Variants in CTDSPL observed in about 807,000 individuals in gnomAD.
CTDSPL encodes CTD small phosphatase like, also known as CTD small phosphatase-like protein.
A neutral mutation model predicts 30.5 loss-of-function variants in CTDSPL; 8 were observed. The observed-to-expected ratio is 0.26, with a 90% CI of 0.15 to 0.47. The LOEUF (loss-of-function observed/expected upper bound fraction) is 0.47, where lower values mean the gene tolerates loss of function less well. Ranked by LOEUF, CTDSPL falls within the 20% of genes least tolerant of loss-of-function variation. The pLI is 0.99. For missense variants in CTDSPL, 248 were observed against 366.1 expected (o/e 0.68, Z 2.63); for synonymous variants, 110 against 137.9 (o/e 0.80, Z 1.42).
At chr3:37,863,401 C>T (rs1454738654) in intron 1 of CTDSPL, among the ~76,000 whole-genome samples, 1 of 152,192 alleles carries the variant, frequency 6.6e-6, no homozygotes, top group Non-Finnish European at 1.5e-5. Flanking sequence ...CTTGGCGTGT[C>T]CCCCTCTCTT....
chr3:37,878,199 A>C (rs982814637), intron 1 of CTDSPL, among the ~76,000 whole-genome samples: 1 of 152,126 alleles, frequency 6.6e-6, no homozygotes, highest in African/African-American at 2.4e-5. Context: ...AATTTGATGA[A>C]GTCCAGTTTA....
intron 1 of CTDSPL, among the ~76,000 whole-genome samples, chr3:37,941,480 A>C (rs1315748582): frequency 7.0e-6 from 1 of 142,304 alleles, no homozygotes; most frequent in African/African-American, 2.6e-5. Context: ...TGGTGGCGTT[A>C]TGTCAGCTCA....
intron 1 of CTDSPL, among the ~76,000 whole-genome samples, chr3:37,917,216 A>C (rs756644868): frequency 1.3e-5 from 2 of 152,216 alleles, no homozygotes; most frequent in Non-Finnish European, 2.9e-5. Flanking sequence ...AGAGACAAAC[A>C]CAAGAGGGAC....
At chr3:37,866,668 A>G (rs990299164) in intron 1 of CTDSPL, among the ~76,000 whole-genome samples, 3 of 152,232 alleles carry the variant, frequency 2.0e-5, no homozygotes, top group African/African-American at 4.8e-5. Flanking sequence ...GTAAGCTAAT[A>G]TGTGTCCTTG....
At chr3:37,946,799 T>C (rs1001005321) in intron 1 of CTDSPL, among the ~76,000 whole-genome samples, 3 of 152,174 alleles carry the variant, frequency 2.0e-5, no homozygotes, top group Non-Finnish European at 2.9e-5. Context: ...AGGCAGCCCC[T>C]GCTGGGCTGA....
intron 4 of CTDSPL, among the ~76,000 whole-genome samples, chr3:37,967,052 G>A (rs571787887): frequency 6.6e-6 from 1 of 152,368 alleles, no homozygotes; most frequent in Non-Finnish European, 1.5e-5. Flanking sequence ...TTGTCAAAGA[G>A]TTATTTAAAA....
chr3:37,915,523 C>T (rs1218822707), intron 1 of CTDSPL, among the ~76,000 whole-genome samples: 4 of 152,010 alleles, frequency 2.6e-5, no homozygotes, highest in Non-Finnish European at 4.4e-5. Flanking sequence ...TGCTTTTGAC[C>T]TATCATTTAG....
At chr3:37,880,080 T>G (rs1698185512) in intron 1 of CTDSPL, among the ~76,000 whole-genome samples, 1 of 149,754 alleles carries the variant, frequency 6.7e-6, no homozygotes, top group East Asian at 1.9e-4. Flanking sequence ...CCATGGAAGC[T>G]ATCATGTTTT....
intron 3 of CTDSPL, among the ~76,000 whole-genome samples, chr3:37,961,996 G>A (rs1364037939): frequency 1.3e-5 from 2 of 152,164 alleles, no homozygotes; most frequent in African/African-American, 4.8e-5. Flanking sequence ...GCAAGCCGTG[G>A]TCCCTTCCTC....
At chr3:37,917,369 T>C (rs1698661400) in intron 1 of CTDSPL, among the ~76,000 whole-genome samples, 1 of 152,246 alleles carries the variant, frequency 6.6e-6, no homozygotes, top group Non-Finnish European at 1.5e-5. Context: ...TCCTGGTTTA[T>C]ATACAAATGA....
chr3:37,930,363 C>G lies in CTDSPL; in HGVS notation c.80-16694C>G, dbSNP rs2125614895. ...GCACCCTCAGCCTCCCAGGCTCAGG[C>G]AGTCCTCATGCCTCCAGCCTCCCAA... On this transcript the variant is annotated intron_variant, in intron 1 of 7. Transcript: ENST00000273179. 2.0e-5 allele frequency among the ~76,000 whole-genome samples: 3 copies of G among 152,196 alleles called. No individual in the cohort carries two copies. In the Middle Eastern group the frequency reaches 0.01, roughly 518 times the overall value.
At chr3:37,913,051 C>T (rs948318049) in intron 1 of CTDSPL, among the ~76,000 whole-genome samples, 2 of 152,142 alleles carry the variant, frequency 1.3e-5, no homozygotes, top group Non-Finnish European at 2.9e-5. Context: ...CCAGATGTGG[C>T]AGCTCACACC....
intron 1 of CTDSPL, among the ~76,000 whole-genome samples, chr3:37,891,000 AG>A (rs1698319255): frequency 6.6e-6 from 1 of 152,218 alleles, no homozygotes; most frequent in Non-Finnish European, 1.5e-5. Flanking sequence ...CACTGTCTGA[AG>A]CTTGCCTAGT....
At chr3:37,895,541 C>T (rs1399398825) in intron 1 of CTDSPL, among the ~76,000 whole-genome samples, 2 of 152,208 alleles carry the variant, frequency 1.3e-5, no homozygotes, top group East Asian at 3.9e-4. Context: ...GCACTGGTGG[C>T]AGCCTGACAC....
intron 1 of CTDSPL, among the ~76,000 whole-genome samples, chr3:37,880,612 A>G (rs115976917): frequency 0.011 from 1,606 of 152,326 alleles, 34 homozygotes; most frequent in South Asian, 0.078. Context: ...TACGAATCGT[A>G]GAAGTGAGAG....
rs574577800 is a variant in CTDSPL at position 37,909,627 on chromosome 3, T to A, written c.80-37430T>A. 1.1e-4 allele frequency among the ~76,000 whole-genome samples: 16 copies of A among 152,364 alleles called. No individual in the cohort carries two copies. The South Asian group carries it at 3.3e-3, about 32-fold the overall frequency. ...TTTTCCCAGTGTGGTGATGTTCCTTTAGTCAACAGCAGGAGGGAAAGAAAT... is the reference window on the plus strand; with the variant it reads ...TTTTCCCAGTGTGGTGATGTTCCTTAAGTCAACAGCAGGAGGGAAAGAAAT... On this transcript the variant is annotated intron_variant, in intron 1 of 7. Coordinates refer to ENST00000273179, the MANE Select transcript of CTDSPL (RefSeq NM_001008392.2).
chr3:37,961,617 C>T (rs569465581), intron 3 of CTDSPL, among the ~76,000 whole-genome samples: 5 of 152,170 alleles, frequency 3.3e-5, no homozygotes, highest in Non-Finnish European at 4.4e-5. Flanking sequence ...CAATAGTACA[C>T]TTCTTTCCAC....
intron 2 of CTDSPL, among the ~76,000 whole-genome samples, chr3:37,951,376 A>T (rs890181117): frequency 6.8e-6 from 1 of 147,736 alleles, no homozygotes; most frequent in Admixed American, 6.7e-5. Flanking sequence ...TCAAAAAAAA[A>T]GAAAAATGTT....
chr3:37,949,517 G>A (rs756542365), intron 2 of CTDSPL, among the ~76,000 whole-genome samples: 16 of 152,112 alleles, frequency 1.1e-4, no homozygotes, highest in Non-Finnish European at 1.9e-4. Flanking sequence ...ATAAAGAAAT[G>A]GATAGAGTGT....
Sources: gnomAD v4.1 joint callset for allele counts (sites outside exome capture counted in the v4.1 genomes callset) on GRCh38, gnomAD v4.1.1 for gene constraint, MANE v1.5 for transcripts, NCBI Gene and HGNC (gene_info 2026-07-23, HGNC 2026-07-21) for gene names.